EPS15: variants seen among roughly 807,000 people sequenced by gnomAD.
EPS15 encodes the protein epidermal growth factor receptor substrate 15.
EPS15 carries 72 observed loss-of-function variants against 113.8 expected under a neutral mutation model. The observed-to-expected ratio is 0.63, with a 90% CI of 0.52 to 0.77. EPS15 has a LOEUF of 0.77. Among genes scored for constraint, EPS15 ranks in the 30% least tolerant of loss-of-function variants. EPS15 has a pLI of 0.00. For missense variants in EPS15, 1,048 were observed against 1,045.8 expected (o/e 1.00, Z -0.03); for synonymous variants, 344 against 363.4 (o/e 0.95, Z 0.61).
rs1655336364 is a variant in EPS15, at chr1:51,472,841, A to C, written c.165+18T>G. 1.3e-6 allele frequency: 2 copies of C among 1,564,170 alleles called. No homozygotes were observed. The highest frequency in any genetic ancestry group is 2.7e-5 in the African/African-American group (2 of 73,894). On this transcript the variant is annotated intron_variant, in intron 3 of 24. Coordinates refer to ENST00000371733, the MANE Select transcript of EPS15 (RefSeq NM_001981.3). ...TTCCTTACAAACTTATAATCTAGTT[A>C]TAATGAACGAATACTACCTTTCCAA...
At chr1:51,437,097 A>T (rs1426374707) in intron 12 of EPS15, among the ~76,000 whole-genome samples, 1 of 152,208 alleles carries the variant, frequency 6.6e-6, no homozygotes, top group African/African-American at 2.4e-5. Flanking sequence ...AAAAAATTTT[A>T]AAATATACCT....
chr1:51,410,275 C>A (rs950818673), intron 13 of EPS15, among the ~76,000 whole-genome samples: 1 of 151,256 alleles, frequency 6.6e-6, no homozygotes, highest in Admixed American at 6.6e-5. Context: ...CCTGTGGTCC[C>A]AGTTACTTGG....
At chr1:51,465,382 G>A (rs1413944142) in intron 5 of EPS15, 56 bp from the exon 6 acceptor site, 9 of 1,273,692 alleles carry the variant, frequency 7.1e-6, no homozygotes, top group Admixed American at 4.1e-5. Flanking sequence ...AAGAAGCAAT[G>A]AAGAAAAAAT....
chr1:51,501,622 G>T (rs1410457339), intron 1 of EPS15, among the ~76,000 whole-genome samples: 1 of 151,658 alleles, frequency 6.6e-6, no homozygotes, highest in Non-Finnish European at 1.5e-5. Flanking sequence ...GGGATTACAG[G>T]TGTCTGCCAC....
chr1:51,483,141 G>A (rs1390526390), intron 1 of EPS15, among the ~76,000 whole-genome samples: 4 of 152,098 alleles, frequency 2.6e-5, no homozygotes, highest in African/African-American at 4.8e-5. Flanking sequence ...CTCTGTATAT[G>A]GTACCTGCCC....
intron 21 of EPS15, among the ~76,000 whole-genome samples, chr1:51,370,072 A>G (rs1646609551): frequency 6.6e-6 from 1 of 152,248 alleles, no homozygotes; most frequent in African/African-American, 2.4e-5. Flanking sequence ...CATATGCCAC[A>G]TAACAATGTT....
intron 21 of EPS15, 32 bp from the exon 22 acceptor site, chr1:51,366,061 G>A (rs1301639035): frequency 6.7e-7 from 1 of 1,493,520 alleles, no homozygotes; most frequent in South Asian, 1.2e-5. Flanking sequence ...AATGAAACAG[G>A]ACAGTAAGAC....
intron 1 of EPS15, among the ~76,000 whole-genome samples, chr1:51,505,699 A>G (rs1405357364): frequency 6.6e-6 from 1 of 152,184 alleles, no homozygotes; most frequent in Non-Finnish European, 1.5e-5. Context: ...TAAAAAGTAA[A>G]AAATAAAAAT....
At chr1:51,364,217 G>A (rs188962626) in intron 22 of EPS15, among the ~76,000 whole-genome samples, 189 bp from the exon 23 acceptor site, 149 of 152,172 alleles carry the variant, frequency 9.8e-4, no homozygotes, top group African/African-American at 3.4e-3. Flanking sequence ...TCTATATGAG[G>A]AGTGATTCTA....
chr1:51,388,744 T>C (rs1487411141), intron 21 of EPS15, among the ~76,000 whole-genome samples: 1 of 152,254 alleles, frequency 6.6e-6, no homozygotes, highest in Non-Finnish European at 1.5e-5. Context: ...CCTCGACACA[T>C]ACACCCTCCC....
intron 21 of EPS15, among the ~76,000 whole-genome samples, chr1:51,390,630 C>T (rs1186737363): frequency 6.6e-6 from 1 of 151,220 alleles, no homozygotes; most frequent in African/African-American, 2.4e-5. Flanking sequence ...AAAAAAAAAA[C>T]AACCCCATCA....
At chr1:51,518,743 G>T (rs1470473486) in intron 1 of EPS15, among the ~76,000 whole-genome samples, 3 of 152,036 alleles carry the variant, frequency 2.0e-5, no homozygotes, top group African/African-American at 7.2e-5. Context: ...ACTGGGGGCG[G>T]CGCGCAGCCG....
chr1:51,393,225 CTTT>C (rs34916618), intron 21 of EPS15, among the ~76,000 whole-genome samples: 3 of 151,904 alleles, frequency 2.0e-5, no homozygotes, highest in Non-Finnish European at 4.4e-5. Flanking sequence ...TAGAGCCAGC[CTTT>C]TTTTTGGAGA....
At chr1:51,456,561 TATAA>T (rs1437448134) in intron 8 of EPS15, among the ~76,000 whole-genome samples, 5 of 152,204 alleles carry the variant, frequency 3.3e-5, no homozygotes, top group African/African-American at 1.2e-4. Context: ...GGACTGATCA[TATAA>T]ATAAGAACAT....
chr1:51,436,873 G>C (rs1652190828), intron 12 of EPS15, among the ~76,000 whole-genome samples: 1 of 152,092 alleles, frequency 6.6e-6, no homozygotes, highest in South Asian at 2.1e-4. Flanking sequence ...GGGACAATTA[G>C]GGAATTCATA....
chr1:51,360,428 C>T (rs1317750737), intron 24 of EPS15, among the ~76,000 whole-genome samples: 1 of 152,142 alleles, frequency 6.6e-6, no homozygotes, highest in African/African-American at 2.4e-5. Context: ...CTGATACCTC[C>T]ATGGTTGGTT....
intron 1 of EPS15, among the ~76,000 whole-genome samples, chr1:51,504,949 T>C (rs966550543): frequency 1.3e-5 from 2 of 152,052 alleles, no homozygotes; most frequent in Non-Finnish European, 2.9e-5. Flanking sequence ...GGTAAAACCC[T>C]GTCTCTACTA....
chr1:51,424,339 C>A (rs1651026282), intron 12 of EPS15, among the ~76,000 whole-genome samples: 2 of 152,150 alleles, frequency 1.3e-5, no homozygotes, highest in South Asian at 4.1e-4. Context: ...CTATTCTTCT[C>A]ATTTCAGGCA....
chr1:51,402,931 G>A (rs188897462), intron 17 of EPS15, among the ~76,000 whole-genome samples: 4 of 152,240 alleles, frequency 2.6e-5, no homozygotes, highest in East Asian at 3.9e-4. Context: ...TCAACTGATG[G>A]TAATGTAACA....
Sources: gnomAD v4.1 joint callset for allele counts (sites outside exome capture counted in the v4.1 genomes callset) on GRCh38, gnomAD v4.1.1 for gene constraint, MANE v1.5 for transcripts, NCBI Gene and HGNC (gene_info 2026-07-23, HGNC 2026-07-21) for gene names.